FOXP2: variants seen among roughly 807,000 people sequenced by gnomAD.
FOXP2 encodes the protein forkhead box protein P2.
Under a neutral mutation model 115.8 loss-of-function variants are expected in FOXP2, and 12 were observed. That is an observed-to-expected ratio of 0.10 (90% CI 0.07 to 0.17). The LOEUF is 0.17. Ranked by LOEUF, FOXP2 falls within the 10% of genes least tolerant of loss-of-function variation. The pLI, the probability that FOXP2 is intolerant of heterozygous loss-of-function variation, is 1.00. For synonymous variants in FOXP2, 328 were observed against 297.7 expected, an observed-to-expected ratio of 1.10 and a Z score of -1.05; for missense variants, 629 against 843.5, an observed-to-expected ratio of 0.75 and a Z score of 3.15.
chr7:114,430,674 T>C (rs1195662440), intron 2 of FOXP2, among the ~76,000 whole-genome samples: 1 of 151,922 alleles, frequency 6.6e-6, no homozygotes, highest in Non-Finnish European at 1.5e-5. Context: ...CATTGTACTG[T>C]TGTTCAGAAA....
chr7:114,691,929 C>CAAAAAAAAAA lies in FOXP2; in HGVS notation c.*2007_*2016dup. The CAAAAAAAAAA allele has an allele frequency of 3.2e-5, 8 of 250,928 alleles. No individual in the cohort carries two copies. The highest frequency in any genetic ancestry group is 2.2e-4 in the East Asian group (2 of 9,266). The allele number at this position is 250,928 out of a possible 1,614,324, so 15.5% of individuals were successfully genotyped here. Reference sequence around the variant, plus strand: ...GGCTTTCTGAAAGCTTCTACCTCTGCAAAAAAAAAAAAAGAAAAAAAAAAA... The same window carrying CAAAAAAAAAA: ...GGCTTTCTGAAAGCTTCTACCTCTGCAAAAAAAAAAAAAAAAAAAAAAAGAAAAAAAAAAA... On this transcript the variant is annotated 3_prime_UTR_variant, in exon 17 of 17. Coordinates refer to ENST00000350908, the MANE Select transcript of FOXP2 (RefSeq NM_014491.4).
At chr7:114,303,826 G>T (rs575764195) in intron 2 of FOXP2, among the ~76,000 whole-genome samples, 109 of 152,178 alleles carry the variant, frequency 7.2e-4, no homozygotes, top group African/African-American at 2.5e-3. Flanking sequence ...TTTAAACAAA[G>T]TATATAAAAG....
intron 1 of FOXP2, among the ~76,000 whole-genome samples, chr7:114,098,031 G>T (rs1799687723): frequency 1.3e-5 from 2 of 152,206 alleles, no homozygotes; most frequent in African/African-American, 4.8e-5. Context: ...AGCAGTCTTT[G>T]TCAAATTGCC....
At chr7:114,162,210 G>A (rs893003520), upstream of FOXP2, among the ~76,000 whole-genome samples, 1 of 152,056 alleles carries the variant, frequency 6.6e-6, no homozygotes, top group Non-Finnish European at 1.5e-5. Flanking sequence ...CTCACCAAAG[G>A]TCAGATATTC....
At chr7:114,516,252 G>C (rs576296847) in intron 2 of FOXP2, among the ~76,000 whole-genome samples, 74 of 152,162 alleles carry the variant, frequency 4.9e-4, no homozygotes, top group Middle Eastern at 3.4e-3. Context: ...CAGAAATAAT[G>C]CCGCATATCT....
chr7:114,318,398 G>A (rs6961519), intron 2 of FOXP2, among the ~76,000 whole-genome samples: 47,834 of 94,340 alleles, frequency 0.51, 9,569 homozygotes, highest in African/African-American at 0.62. Flanking sequence ...TTTTTTTTTT[G>A]GAGAGTATGA....
intron 3 of FOXP2, among the ~76,000 whole-genome samples, chr7:114,606,665 G>T (rs1803348920): frequency 6.6e-6 from 1 of 152,164 alleles, no homozygotes; most frequent in Admixed American, 6.5e-5. Flanking sequence ...TTTTAGAGAG[G>T]AAGCCTATGG....
chr7:114,406,485 A>T (rs1031099311), intron 2 of FOXP2, among the ~76,000 whole-genome samples: 1 of 151,958 alleles, frequency 6.6e-6, no homozygotes, highest in Non-Finnish European at 1.5e-5. Flanking sequence ...TCCTTATCAT[A>T]TGCATTTTAG....
At chr7:114,133,464 A>C (rs1161681724) in intron 1 of FOXP2, among the ~76,000 whole-genome samples, 1 of 152,230 alleles carries the variant, frequency 6.6e-6, no homozygotes, top group Non-Finnish European at 1.5e-5. Flanking sequence ...GCTAGATGAG[A>C]TCACCAAAGG....
intron 3 of FOXP2, among the ~76,000 whole-genome samples, chr7:114,558,771 G>A (rs1272485437): frequency 2.0e-5 from 3 of 152,098 alleles, no homozygotes; most frequent in East Asian, 3.9e-4. Context: ...CAGTGCATAC[G>A]TCTGTCATAG....
chr7:114,209,973 T>C (rs1245000187), intron 1 of FOXP2, among the ~76,000 whole-genome samples: 2 of 152,232 alleles, frequency 1.3e-5, no homozygotes, highest in Non-Finnish European at 2.9e-5. Flanking sequence ...GTTTTTCAGC[T>C]CCATCAGGTC....
chr7:114,451,186 C>G (rs1795058417), intron 2 of FOXP2, among the ~76,000 whole-genome samples: 1 of 152,002 alleles, frequency 6.6e-6, no homozygotes, highest in Non-Finnish European at 1.5e-5. Context: ...AATGCTTGTT[C>G]TTTCAAGTGA....
chr7:114,345,001 T>C (rs1791310928), intron 2 of FOXP2, among the ~76,000 whole-genome samples: 2 of 144,258 alleles, frequency 1.4e-5, no homozygotes, highest in Non-Finnish European at 3.1e-5. Context: ...AATGGAAAAA[T>C]GGATTGGAAG....
intron 2 of FOXP2, among the ~76,000 whole-genome samples, chr7:114,370,790 A>G (rs1791985069): frequency 6.6e-6 from 1 of 152,154 alleles, no homozygotes. Context: ...TACATTCATT[A>G]TTTTGTTTGT....
At chr7:114,131,485 A>AT (rs918430700) in intron 1 of FOXP2, among the ~76,000 whole-genome samples, 19 of 151,998 alleles carry the variant, frequency 1.3e-4, no homozygotes, top group Admixed American at 3.3e-4. Flanking sequence ...AATGTTAGTG[A>AT]TTTTTTTTAC....
In FOXP2 at chr7:114,631,651, C is replaced by G. The variant is rs148201242; in HGVS notation, c.721C>G (p.Leu241Val). ...TCTGCTCAGCCTTCAGCGTCAGGGA[C>G]TCATCTCCATTCCACCTGGCCAGGC... ...QHLLSLQRQGLISIPPGQAAL... is the reference protein window; with the variant it reads ...QHLLSLQRQGVISIPPGQAAL... The change falls in exon 6 of 17, where the codon CTC becomes GTC. Residue 241 changes from leucine (L) to valine (V), a missense_variant. By Grantham distance (32) the Leu-to-Val change is conservative (BLOSUM62 1). Around this residue, in one of 9 missense-constraint regions of FOXP2, gnomAD observed 138 missense variants for 205.1 expected, o/e 0.67. Transcript: ENST00000350908. The G allele has an allele frequency of 2.5e-6, 4 of 1,614,122 alleles. No individual in the cohort carries two copies. The highest frequency in any genetic ancestry group is 3.4e-6 in the Non-Finnish European group (4 of 1,180,030).
chr7:114,169,364 G>T (rs1428584477), intron 1 of FOXP2, among the ~76,000 whole-genome samples: 2 of 152,250 alleles, frequency 1.3e-5, no homozygotes, highest in Non-Finnish European at 2.9e-5. Flanking sequence ...TGACCTGGAT[G>T]TGAGACCTGG....
chr7:114,365,365 T>C (rs1162095035), intron 2 of FOXP2, among the ~76,000 whole-genome samples: 4 of 152,148 alleles, frequency 2.6e-5, no homozygotes, highest in Non-Finnish European at 4.4e-5. Flanking sequence ...ATAAGTAGAT[T>C]ATAGAATGTA....
chr7:114,170,980 C>G (rs917455935), intron 1 of FOXP2, among the ~76,000 whole-genome samples: 2 of 152,204 alleles, frequency 1.3e-5, no homozygotes, highest in Admixed American at 1.3e-4. Context: ...TAGGAATTTT[C>G]TAGCTAGAGA....
Sources: gnomAD v4.1 joint callset for allele counts (sites outside exome capture counted in the v4.1 genomes callset) on GRCh38, gnomAD v4.1.1 for gene constraint, gnomAD v4.1.1 regional missense constraint, MANE v1.5 for transcripts, NCBI Gene and HGNC (gene_info 2026-07-23, HGNC 2026-07-21) for gene names.